The following RASSF8 variants were observed in gnomAD, a reference collection of about 807,000 sequenced individuals.
The protein encoded by RASSF8 is Ras association domain family member 8, also known as ras association domain-containing protein 8.
A neutral mutation model predicts 48.5 loss-of-function variants in RASSF8; 22 were observed. The ratio of observed to expected loss-of-function variants is 0.45; its 90% CI spans 0.32 to 0.65. The LOEUF (loss-of-function observed/expected upper bound fraction) is 0.65, where lower values mean the gene tolerates loss of function less well. Ranked by LOEUF, RASSF8 falls within the 30% of genes least tolerant of loss-of-function variation. The pLI is 0.03. For missense variants in RASSF8, 418 were observed against 489.2 expected (o/e 0.85, Z 1.37); for synonymous variants, 127 against 171.5 (o/e 0.74, Z 2.03).
intron 3 of RASSF8, among the ~76,000 whole-genome samples, chr12:26,061,225 G>C (rs911090120): frequency 4.6e-5 from 7 of 152,080 alleles, no homozygotes; most frequent in African/African-American, 1.7e-4. Context: ...ATAAATTTCT[G>C]AGTGACCCTT....
At chr12:26,014,327 G>C (rs2669554) in intron 2 of RASSF8, among the ~76,000 whole-genome samples, 97,097 of 152,136 alleles carry the variant, frequency 0.64, 31,376 homozygotes, top group Non-Finnish European at 0.68. Context: ...TTCTTGGCAT[G>C]TACAGTCAGA....
At position 25,991,213 on chromosome 12, in the gene RASSF8, C is replaced by T. The variant is rs1333260281; in HGVS notation, c.-202-3824C>T. 2.6e-5 allele frequency among the ~76,000 whole-genome samples: 4 copies of T among 152,048 alleles called. No individual in the cohort carries two copies. In the East Asian group the frequency reaches 7.7e-4, roughly 29 times the overall value. On this transcript the variant is annotated intron_variant, in intron 1 of 5. Transcript: ENST00000689635. ...GTTGTTTAAAAAAAAAAGGTAGAGC[C>T]TCTTGGAAACTGGAATTTATTTTGC... is the stretch of plus-strand genomic sequence containing the variant.
chr12:26,008,665 C>A (rs889778811), intron 2 of RASSF8, among the ~76,000 whole-genome samples: 5 of 152,144 alleles, frequency 3.3e-5, no homozygotes, highest in African/African-American at 1.2e-4. Flanking sequence ...TTTGTGTTCT[C>A]ATTTGAACAT....
intron 5 of RASSF8, among the ~76,000 whole-genome samples, chr12:26,078,139 T>G (rs1302053697): frequency 6.6e-6 from 1 of 152,208 alleles, no homozygotes; most frequent in African/African-American, 2.4e-5. Context: ...ACTGGAGATA[T>G]AGCAGTGAAT....
intron 1 of RASSF8, among the ~76,000 whole-genome samples, chr12:25,989,636 A>G (rs1941967930): frequency 6.6e-6 from 1 of 152,014 alleles, no homozygotes; most frequent in South Asian, 2.1e-4. Context: ...TTAAAAAACA[A>G]TTGATCATAT....
intron 2 of RASSF8, among the ~76,000 whole-genome samples, chr12:26,002,680 C>A (rs752825061): frequency 6.6e-6 from 1 of 152,146 alleles, no homozygotes; most frequent in African/African-American, 2.4e-5. Context: ...GAGGCTGACA[C>A]AGGAGAATCA....
chr12:26,074,749 T>TA (rs1447941384), downstream of RASSF8, among the ~76,000 whole-genome samples: 3 of 151,894 alleles, frequency 2.0e-5, no homozygotes, highest in Non-Finnish European at 2.9e-5. Flanking sequence ...AGGAGATACT[T>TA]ACCCCAACCC....
At position 26,072,508 on chromosome 12, in the gene RASSF8, GC is replaced by G; in HGVS notation, c.*3691del. 1 of 971,516 alleles carries G rather than the reference GC, an allele frequency of 1.0e-6. No homozygotes were observed. Among genetic ancestry groups the G allele is most frequent in the South Asian group, 4.8e-5 (1 of 20,958 alleles). 60.2% of individuals were successfully genotyped at this position (971,516 alleles called of 1,614,324 possible). ...ATATTAAACCAGCAGAAATATAAAG[GC>G]AATAAAGTATATACATATATATGGG... is the stretch of plus-strand genomic sequence containing the variant. On this transcript the variant is annotated 3_prime_UTR_variant, in exon 6 of 6. Transcript: ENST00000689635.
At chr12:26,059,156 A>G (rs1943683824) in intron 3 of RASSF8, among the ~76,000 whole-genome samples, 2 of 152,238 alleles carry the variant, frequency 1.3e-5, no homozygotes, top group Admixed American at 1.3e-4. Context: ...TCTCAAACCA[A>G]AAATATGACA....
chr12:25,969,996 A>C (rs916171910), intron 1 of RASSF8, among the ~76,000 whole-genome samples: 3 of 151,830 alleles, frequency 2.0e-5, no homozygotes, highest in Admixed American at 2.0e-4. Flanking sequence ...TTCTTAACCT[A>C]TAGTCCCTGT....
At chr12:26,016,206 GT>G (rs35863199) in intron 2 of RASSF8, among the ~76,000 whole-genome samples, 49,039 of 143,930 alleles carry the variant, frequency 0.34, 8,456 homozygotes, top group East Asian at 0.52. Flanking sequence ...CTGTTTTTGG[GT>G]TTTTTTTTTT....
chr12:25,993,145 A>G (rs1942054625), intron 1 of RASSF8, among the ~76,000 whole-genome samples: 1 of 152,178 alleles, frequency 6.6e-6, no homozygotes, highest in Admixed American at 6.5e-5. Context: ...TACCCACAGA[A>G]CTGCCCCCGC....
intron 1 of RASSF8, among the ~76,000 whole-genome samples, chr12:25,971,568 T>C (rs768864772): frequency 6.7e-6 from 1 of 149,440 alleles, no homozygotes; most frequent in Admixed American, 6.9e-5. Context: ...TCATTTCATA[T>C]GGAAAAAAAA....
At chr12:26,032,410 C>G (rs1943048280) in intron 2 of RASSF8, among the ~76,000 whole-genome samples, 1 of 152,190 alleles carries the variant, frequency 6.6e-6, no homozygotes, top group South Asian at 2.1e-4. Flanking sequence ...AAACAAACTT[C>G]TAGCACTGTT....
intron 1 of RASSF8, among the ~76,000 whole-genome samples, chr12:25,978,294 T>A (rs1442378243): frequency 6.6e-6 from 1 of 152,172 alleles, no homozygotes; most frequent in Non-Finnish European, 1.5e-5. Flanking sequence ...GGACTGGGCC[T>A]AAATATAACA....
At chr12:25,999,522 A>G (rs1021189074) in intron 2 of RASSF8, among the ~76,000 whole-genome samples, 1 of 152,094 alleles carries the variant, frequency 6.6e-6, no homozygotes, top group Non-Finnish European at 1.5e-5. Flanking sequence ...CTGAGGCAGG[A>G]GGATCACTTG....
chr12:26,000,810 A>G (rs1289849195), intron 2 of RASSF8, among the ~76,000 whole-genome samples: 1 of 152,154 alleles, frequency 6.6e-6, no homozygotes, highest in Non-Finnish European at 1.5e-5. Flanking sequence ...AAAAGATTTA[A>G]AAGTGGTACA....
At chr12:26,050,974 T>C (rs1943478040) in intron 2 of RASSF8, among the ~76,000 whole-genome samples, 1 of 152,214 alleles carries the variant, frequency 6.6e-6, no homozygotes, top group African/African-American at 2.4e-5. Context: ...AAGATAAGAT[T>C]TCTTAGGGTG....
intron 2 of RASSF8, among the ~76,000 whole-genome samples, chr12:26,044,373 A>G (rs1392794325): frequency 1.3e-5 from 2 of 152,312 alleles, no homozygotes; most frequent in African/African-American, 2.4e-5. Context: ...ATATTAATGA[A>G]ATGCAAATAT....
Sources: allele counts gnomAD v4.1 joint callset (sites outside exome capture counted in the v4.1 genomes callset), GRCh38; gene constraint gnomAD v4.1.1; transcripts MANE v1.5; gene names NCBI Gene and HGNC (gene_info 2026-07-23, HGNC 2026-07-21).